GPRIN3: variants seen among roughly 807,000 people sequenced by gnomAD.
GPRIN3 encodes the protein GPRIN family member 3, also known as G protein-regulated inducer of neurite outgrowth 3.
GPRIN3 carries 12 observed loss-of-function variants against 13.7 expected under a neutral mutation model. The observed-to-expected ratio is 0.87, with a 90% CI of 0.56 to 1.42. The LOEUF (loss-of-function observed/expected upper bound fraction) is 1.42, where lower values mean the gene tolerates loss of function less well. Among genes scored for constraint, GPRIN3 ranks in the 40% most tolerant of loss-of-function variants. The pLI is 0.00. For missense variants in GPRIN3, 1,009 were observed against 958.7 expected (o/e 1.05, Z -0.69); for synonymous variants, 377 against 372.7 (o/e 1.01, Z -0.13).
chr4:89,289,882 T>C (rs1019138538), intron 1 of GPRIN3, among the ~76,000 whole-genome samples: 2 of 152,100 alleles, frequency 1.3e-5, no homozygotes, highest in Admixed American at 6.5e-5. Flanking sequence ...AGTAACTTCT[T>C]AGACTGAAAA....
At chr4:89,289,748 G>C (rs564769767) in intron 1 of GPRIN3, among the ~76,000 whole-genome samples, 4 of 152,050 alleles carry the variant, frequency 2.6e-5, no homozygotes, top group Admixed American at 6.5e-5. Context: ...CTCAGACACA[G>C]TTTTTCCACT....
rs751442935 is a variant in GPRIN3 at position 89,249,134 on chromosome 4, G to A, written c.977C>T (p.Ala326Val). ...AWQDAEVQAV[A>V]SVESRSVSTS... ...GGAGACGGATCTGCTCTCGACACTC[G>A]CCACTGCCTGCACCTCCGCATCTTG... The change falls in exon 2 of 2, where the codon GCG becomes GTG. Residue 326 changes from alanine (A) to valine (V), a missense_variant. Ala to Val is a moderately conservative substitution (Grantham distance 64). Coordinates refer to ENST00000609438, the MANE Select transcript of GPRIN3 (RefSeq NM_198281.3). 6.8e-6 allele frequency: 11 copies of A among 1,614,000 alleles called. No individual in the cohort carries two copies. The highest frequency in any genetic ancestry group is 4.4e-5 in the South Asian group (4 of 91,086).
intron 1 of GPRIN3, among the ~76,000 whole-genome samples, chr4:89,300,125 A>G (rs757055896): frequency 7.9e-5 from 12 of 152,048 alleles, no homozygotes; most frequent in Non-Finnish European, 1.3e-4. Context: ...TTAGACCCTC[A>G]CCATGGTTAA....
chr4:89,289,789 G>GT (rs1339380762), intron 1 of GPRIN3, among the ~76,000 whole-genome samples: 1 of 152,072 alleles, frequency 6.6e-6, no homozygotes, highest in African/African-American at 2.4e-5. Flanking sequence ...ATCACTAATA[G>GT]TGACTGTCTA....
Position 89,274,929 on chromosome 4 carries a change from C to T in GPRIN3, c.-123-24696G>A, listed in dbSNP as rs150791657. On this transcript the variant is annotated intron_variant, in intron 1 of 1. Coordinates refer to ENST00000609438, the MANE Select transcript of GPRIN3 (RefSeq NM_198281.3). ...GATTGGCACTGAGGTAGAGGAGTGA[C>T]GACAGGTAGCTGCTGTCCTACTCCG... Among the ~76,000 whole-genome samples the T allele has an allele frequency of 5.3e-3, 809 of 152,208 alleles. 5 individuals are homozygous for T. The highest frequency in any genetic ancestry group is 0.014 in the African/African-American group (599 of 41,522).
chr4:89,246,225 A>T lies in GPRIN3; in HGVS notation c.*1555T>A, dbSNP rs1431551. Reference sequence around the variant, plus strand: ...CTAGAGAGAATACCTATGGTTAGGTACTCTTTTCTAGCTCATTACGGGGAA... The same window carrying T: ...CTAGAGAGAATACCTATGGTTAGGTTCTCTTTTCTAGCTCATTACGGGGAA... On this transcript the variant is annotated 3_prime_UTR_variant, in exon 2 of 2. Coordinates refer to ENST00000609438, the MANE Select transcript of GPRIN3 (RefSeq NM_198281.3). 78,135 of 151,628 alleles carry T rather than the reference A, an allele frequency of 0.52. 20,520 individuals carry two copies. Among genetic ancestry groups the T allele is most frequent in the South Asian group, 0.74 (3,552 of 4,816 alleles). The allele number at this position is 151,628 out of a possible 1,614,324, so 9.4% of individuals were successfully genotyped here.
chr4:89,257,210 T>G (rs1723490493), intron 1 of GPRIN3, among the ~76,000 whole-genome samples: 1 of 152,208 alleles, frequency 6.6e-6, no homozygotes, highest in South Asian at 2.1e-4. Context: ...AATGGTTACT[T>G]TAATAAAAGG....
intron 1 of GPRIN3, among the ~76,000 whole-genome samples, chr4:89,258,621 C>T (rs974181855): frequency 4.6e-5 from 7 of 152,184 alleles, no homozygotes; most frequent in Admixed American, 6.5e-5. Context: ...GGAAACTTAG[C>T]AAGGCCTGTT....
chr4:89,263,231 A>C (rs1323610987), intron 1 of GPRIN3, among the ~76,000 whole-genome samples: 1 of 152,226 alleles, frequency 6.6e-6, no homozygotes, highest in Non-Finnish European at 1.5e-5. Context: ...TGCATAAAAA[A>C]TTTTAATCGT....
intron 1 of GPRIN3, among the ~76,000 whole-genome samples, chr4:89,296,554 T>C (rs1436078400): frequency 6.6e-6 from 1 of 152,204 alleles, no homozygotes; most frequent in African/African-American, 2.4e-5. Context: ...ATGTCTATGA[T>C]TAAAACATCA....
intron 1 of GPRIN3, among the ~76,000 whole-genome samples, chr4:89,275,997 C>A (rs1017878396): frequency 6.6e-6 from 1 of 152,150 alleles, no homozygotes; most frequent in African/African-American, 2.4e-5. Context: ...AAAAGTTCTG[C>A]GAGTTTTACC....
At chr4:89,276,819 C>T (rs1223531327) in intron 1 of GPRIN3, among the ~76,000 whole-genome samples, 1 of 152,084 alleles carries the variant, frequency 6.6e-6, no homozygotes, top group Non-Finnish European at 1.5e-5. Flanking sequence ...TGGTGCTTCA[C>T]CTACTGAGAA....
intron 1 of GPRIN3, among the ~76,000 whole-genome samples, chr4:89,303,288 T>C (rs1259257214): frequency 6.6e-6 from 1 of 152,246 alleles, no homozygotes; most frequent in Non-Finnish European, 1.5e-5. Flanking sequence ...CTTCACAGCC[T>C]GTCAGTTCCT....
chr4:89,299,894 C>T (rs548218176), intron 1 of GPRIN3, among the ~76,000 whole-genome samples: 36 of 152,198 alleles, frequency 2.4e-4, no homozygotes, highest in African/African-American at 8.2e-4. Flanking sequence ...ATACATAAAG[C>T]AATCCAATGT....
Position 89,247,889 on chromosome 4 carries a change from G to T in GPRIN3, c.2222C>A (p.Ser741Ter), listed in dbSNP as rs761047501. The change falls in exon 2 of 2, where the codon TCA becomes TAA. Residue 741 changes from serine (S) to a stop codon, truncating the protein, a stop_gained. Coordinates refer to ENST00000609438, the MANE Select transcript of GPRIN3 (RefSeq NM_198281.3). LOFTEE classifies it high-confidence loss of function. ...CTGCCTTCCTCTGAGCTTCTTATTTGAAGAAGTATCTGAGGAAATGGATCT... is the reference window on the plus strand; with the variant it reads ...CTGCCTTCCTCTGAGCTTCTTATTTTAAGAAGTATCTGAGGAAATGGATCT... ...TRRSISSDTS[S>*]NKKLRGRQHS... 12 of 1,614,120 alleles carry T rather than the reference G, an allele frequency of 7.4e-6. No homozygotes were observed. The highest frequency in any genetic ancestry group is 1.0e-5 in the Non-Finnish European group (12 of 1,179,980).
intron 1 of GPRIN3, among the ~76,000 whole-genome samples, chr4:89,303,371 T>C (rs1724949812): frequency 6.6e-6 from 1 of 152,130 alleles, no homozygotes; most frequent in South Asian, 2.1e-4. Context: ...CACGCCACAA[T>C]GTGGTGTATC....
At position 89,248,543 on chromosome 4, in the gene GPRIN3, T is replaced by C. The variant is rs1415278502; in HGVS notation, c.1568A>G (p.His523Arg). 6.2e-7 allele frequency: 1 copy of C among 1,613,374 alleles called. No individual in the cohort carries two copies. ...ATTAGTGGGATCCAAGCTCCCAGAA[T>C]GATCAGCTTTGCTGATAGAGCCACA... Reference protein sequence around the residue: ...DSCGSISKADHSGSLDPTNKG... With the variant: ...DSCGSISKADRSGSLDPTNKG... The change falls in exon 2 of 2, where the codon CAT becomes CGT. Residue 523 changes from histidine to arginine, a missense_variant. Coordinates refer to ENST00000609438, the MANE Select transcript of GPRIN3 (RefSeq NM_198281.3).
chr4:89,245,101 A>G lies in GPRIN3; in HGVS notation c.*2679T>C, dbSNP rs1329809281. The stretch of plus-strand genomic sequence containing the variant: ...GATTGAAGTGAAGGAAAATTCTCAA[A>G]TAAGGTTTTATTGTGAGAGTAACTT... On this transcript the variant is annotated 3_prime_UTR_variant, in exon 2 of 2. Coordinates refer to ENST00000609438, the MANE Select transcript of GPRIN3 (RefSeq NM_198281.3). 6.6e-6 allele frequency: 1 copy of G among 152,206 alleles called. No individual in the cohort carries two copies. Among genetic ancestry groups the G allele is most frequent in the East Asian group, 1.9e-4 (1 of 5,198 alleles). 9.4% of individuals were successfully genotyped at this position (152,206 alleles called of 1,614,324 possible). A position where few individuals can be genotyped will look rare whatever the true frequency, so the allele number is the denominator to read the frequency against.
intron 1 of GPRIN3, among the ~76,000 whole-genome samples, chr4:89,292,252 C>G (rs1724593143): frequency 6.6e-6 from 1 of 152,088 alleles, no homozygotes; most frequent in South Asian, 2.1e-4. Context: ...ACTTTCTTCC[C>G]TTTTCATGAA....
Sources: allele counts gnomAD v4.1 joint callset (sites outside exome capture counted in the v4.1 genomes callset), GRCh38; gene constraint gnomAD v4.1.1; transcripts MANE v1.5; gene names NCBI Gene and HGNC (gene_info 2026-07-23, HGNC 2026-07-21).